PATJ: variants seen among roughly 807,000 people sequenced by gnomAD.
PATJ encodes the protein PATJ crumbs cell polarity complex component.
PATJ carries 190 observed loss-of-function variants against 224.9 expected under a neutral mutation model. The observed-to-expected ratio is 0.84, with a 90% CI of 0.75 to 0.95. The LOEUF (loss-of-function observed/expected upper bound fraction) is 0.95, where lower values mean the gene tolerates loss of function less well. Among genes scored for constraint, PATJ ranks in the 40% least tolerant of loss-of-function variants. PATJ has a pLI of 0.00. For synonymous variants in PATJ, 769 were observed against 820.3 expected, an observed-to-expected ratio of 0.94 and a Z score of 1.07; for missense variants, 2,121 against 2,270.3, an observed-to-expected ratio of 0.93 and a Z score of 1.34.
At chr1:62,051,170 C>T in intron 31 of PATJ, 112 bp downstream of exon 31, 6 of 768,948 alleles carry the variant, frequency 7.8e-6, no homozygotes, top group South Asian at 3.4e-5. Flanking sequence ...CAGGAATCTT[C>T]GTCTGTGAGA....
chr1:61,936,113 A>G lies in PATJ; in HGVS notation c.3670+8284A>G, dbSNP rs536257317. Among the ~76,000 whole-genome samples the G allele has an allele frequency of 5.3e-5, 8 of 152,106 alleles. 1 individual carries two copies. The highest frequency in any genetic ancestry group is 1.9e-4 in the African/African-American group (8 of 41,510). On this transcript the variant is annotated intron_variant, in intron 27 of 43. Coordinates refer to ENST00000642238, the MANE Select transcript of PATJ (RefSeq NM_001350145.3). ...GTATATTCAGAATTGTTCAACTGTCACCACTATTAATTTTAGAACATTTAG... is the reference window on the plus strand; with the variant it reads ...GTATATTCAGAATTGTTCAACTGTCGCCACTATTAATTTTAGAACATTTAG...
At chr1:61,827,671 AAACC>A in intron 16 of PATJ, 88 bp downstream of exon 16, 1 of 1,259,808 alleles carries the variant, frequency 7.9e-7, no homozygotes, top group Non-Finnish European at 1.1e-6. Flanking sequence ...AAGGGAGGGG[AAACC>A]ATTCCACTCT....
At chr1:62,099,101 T>C (rs1661781379) in intron 33 of PATJ, among the ~76,000 whole-genome samples, 1 of 152,124 alleles carries the variant, frequency 6.6e-6, no homozygotes. Flanking sequence ...CAGCACTAGA[T>C]TGAGGATTTT....
intron 30 of PATJ, among the ~76,000 whole-genome samples, chr1:62,048,566 A>AAAAAG (rs1272077898): frequency 2.8e-4 from 42 of 149,138 alleles, no homozygotes; most frequent in African/African-American, 1.0e-3. Context: ...AAAAAAAAAA[A>AAAAAG]AAAAGAAAAA....
intron 14 of PATJ, among the ~76,000 whole-genome samples, chr1:61,810,919 C>T (rs189657896): frequency 1.3e-5 from 2 of 151,912 alleles, no homozygotes; most frequent in Admixed American, 6.5e-5. Context: ...AGGGAAACTC[C>T]GTCTCAAAGA....
chr1:62,087,079 A>G (rs1462239073), intron 33 of PATJ, among the ~76,000 whole-genome samples: 2 of 151,996 alleles, frequency 1.3e-5, no homozygotes, highest in African/African-American at 2.4e-5. Flanking sequence ...GGGTACCCGC[A>G]CTCGGTGAGT....
At chr1:61,996,639 A>G (rs1191261056) in intron 28 of PATJ, among the ~76,000 whole-genome samples, 1 of 152,148 alleles carries the variant, frequency 6.6e-6, no homozygotes, top group Admixed American at 6.6e-5. Context: ...TAGAAACAGT[A>G]GTTTGAGGAA....
At chr1:61,900,040 C>G (rs1453835725) in intron 23 of PATJ, among the ~76,000 whole-genome samples, 1 of 152,164 alleles carries the variant, frequency 6.6e-6, no homozygotes, top group East Asian at 1.9e-4. Flanking sequence ...TACCTTCCTC[C>G]CCTGGTGGAG....
At chr1:61,921,764 T>A (rs1288515020) in intron 26 of PATJ, among the ~76,000 whole-genome samples, 4 of 152,038 alleles carry the variant, frequency 2.6e-5, no homozygotes, top group Non-Finnish European at 5.9e-5. Context: ...AGATCAGGGG[T>A]TCCTTGGGAA....
chr1:61,970,908 G>C (rs368886720), intron 27 of PATJ, among the ~76,000 whole-genome samples: 1 of 152,050 alleles, frequency 6.6e-6, no homozygotes, highest in Non-Finnish European at 1.5e-5. Context: ...TTTGTCACCT[G>C]GTCTAATACT....
intron 28 of PATJ, among the ~76,000 whole-genome samples, chr1:62,014,172 C>T (rs1173038176): frequency 6.6e-6 from 1 of 152,176 alleles, no homozygotes; most frequent in African/African-American, 2.4e-5. Flanking sequence ...CCTCCCACCT[C>T]AGCTTCCTCT....
chr1:61,885,863 T>C (rs1347844017), intron 22 of PATJ, among the ~76,000 whole-genome samples: 1 of 151,990 alleles, frequency 6.6e-6, no homozygotes. Flanking sequence ...AATGATGAGT[T>C]CATGTCCTTT....
chr1:61,917,836 A>C (rs1673664961), intron 26 of PATJ, among the ~76,000 whole-genome samples: 1 of 152,050 alleles, frequency 6.6e-6, no homozygotes, highest in African/African-American at 2.4e-5. Context: ...GGCGAATCAC[A>C]AGGTCAGGAG....
At chr1:62,068,122 G>C (rs545073802) in intron 31 of PATJ, among the ~76,000 whole-genome samples, 1 of 152,290 alleles carries the variant, frequency 6.6e-6, no homozygotes, top group Admixed American at 6.5e-5. Context: ...CTCAGTTCAC[G>C]TCATTCACCT....
intron 15 of PATJ, among the ~76,000 whole-genome samples, chr1:61,825,362 C>G (rs1480568324): frequency 2.0e-5 from 3 of 152,108 alleles, no homozygotes; most frequent in Non-Finnish European, 4.4e-5. Flanking sequence ...TTTGACAGCA[C>G]TTAGGAGGGT....
At chr1:62,124,326 G>A (rs114438285) in intron 39 of PATJ, among the ~76,000 whole-genome samples, 2,014 of 152,026 alleles carry the variant, frequency 0.013, 22 homozygotes, top group Non-Finnish European at 0.022. Context: ...CAATCGATCC[G>A]ACCACCTCAG....
At chr1:61,754,593 C>T (rs1645526405) in intron 1 of PATJ, among the ~76,000 whole-genome samples, 1 of 146,110 alleles carries the variant, frequency 6.8e-6, no homozygotes, top group Admixed American at 7.2e-5. Context: ...AACTCCTGGG[C>T]TCAAGCAATC....
chr1:62,100,708 C>T (rs1451766229), intron 33 of PATJ, among the ~76,000 whole-genome samples: 1 of 152,172 alleles, frequency 6.6e-6, no homozygotes, highest in Admixed American at 6.5e-5. Flanking sequence ...TCTTGACAAT[C>T]ATTTAATGAA....
intron 11 of PATJ, among the ~76,000 whole-genome samples, chr1:61,799,544 T>G (rs1459858749): frequency 6.6e-6 from 1 of 152,142 alleles, no homozygotes; most frequent in Non-Finnish European, 1.5e-5. Flanking sequence ...TATATAAATG[T>G]TTTTTTAATT....
Sources: allele counts gnomAD v4.1 joint callset (sites outside exome capture counted in the v4.1 genomes callset), GRCh38; gene constraint gnomAD v4.1.1; transcripts MANE v1.5; gene names NCBI Gene and HGNC (gene_info 2026-07-23, HGNC 2026-07-21).